ARHGEF3: variants seen among roughly 807,000 people sequenced by gnomAD.
ARHGEF3 encodes Rho guanine nucleotide exchange factor 3, also known as 59.8 kDA protein.
ARHGEF3 carries 28 observed loss-of-function variants against 63.2 expected under a neutral mutation model. That is an observed-to-expected ratio of 0.44 (90% confidence interval 0.33 to 0.61). ARHGEF3 has a LOEUF of 0.61. Ranked by LOEUF, ARHGEF3 falls within the 20% of genes least tolerant of loss-of-function variation. ARHGEF3 has a pLI of 0.03. For missense variants in ARHGEF3, 533 were observed against 659.3 expected (o/e 0.81, Z 2.10); for synonymous variants, 266 against 254.2 (o/e 1.05, Z -0.44).
chr3:56,853,181 T>A (rs2039736922), intron 4 of ARHGEF3, among the ~76,000 whole-genome samples: 1 of 149,498 alleles, frequency 6.7e-6, no homozygotes, highest in African/African-American at 2.5e-5. Flanking sequence ...ACAGAGGACA[T>A]GCATTGTTAA....
chr3:56,935,770 C>T (rs554551900), intron 3 of ARHGEF3, among the ~76,000 whole-genome samples: 2 of 152,290 alleles, frequency 1.3e-5, no homozygotes, highest in East Asian at 1.9e-4. Context: ...ACACTCACCA[C>T]GAGGGTCCGT....
intron 1 of ARHGEF3, among the ~76,000 whole-genome samples, chr3:56,788,457 A>G (rs1187627028): frequency 6.6e-6 from 1 of 152,230 alleles, no homozygotes; most frequent in Non-Finnish European, 1.5e-5. Flanking sequence ...ATAAATATTT[A>G]TGGACAATTA....
intron 3 of ARHGEF3, among the ~76,000 whole-genome samples, chr3:56,893,811 C>CAAAAAAAA (rs537483698): frequency 6.3e-5 from 5 of 79,558 alleles, no homozygotes; most frequent in African/African-American, 1.1e-4. Context: ...GACTCTGTCT[C>CAAAAAAAA]AAAAAAAAAA....
intron 2 of ARHGEF3, among the ~76,000 whole-genome samples, chr3:57,011,601 A>G (rs1579083253): frequency 6.6e-6 from 1 of 151,964 alleles, no homozygotes; most frequent in African/African-American, 2.4e-5. Flanking sequence ...TCTCCAACCC[A>G]AGGATTCAAT....
chr3:56,993,891 C>T (rs1389995904), intron 2 of ARHGEF3, among the ~76,000 whole-genome samples: 4 of 150,304 alleles, frequency 2.7e-5, no homozygotes, highest in South Asian at 4.2e-4. Context: ...GGTGAAAACC[C>T]GTCTCTACTA....
chr3:56,825,220 C>T (rs1435369248), intron 4 of ARHGEF3, among the ~76,000 whole-genome samples: 7 of 152,240 alleles, frequency 4.6e-5, no homozygotes, highest in African/African-American at 1.4e-4. Context: ...GCATGGTAAA[C>T]GTCAGCTAAT....
intron 2 of ARHGEF3, among the ~76,000 whole-genome samples, chr3:56,988,728 G>A (rs1701633953): frequency 6.6e-6 from 1 of 152,134 alleles, no homozygotes; most frequent in Non-Finnish European, 1.5e-5. Flanking sequence ...AGACCATGGA[G>A]GTGTGAAGCT....
At chr3:56,825,948 AC>A (rs2038698819) in intron 4 of ARHGEF3, among the ~76,000 whole-genome samples, 1 of 152,130 alleles carries the variant, frequency 6.6e-6, no homozygotes, top group Non-Finnish European at 1.5e-5. Flanking sequence ...CCAATCAGCA[AC>A]CCTTCCTTCT....
chr3:56,935,405 T>G (rs1250995461), intron 3 of ARHGEF3, among the ~76,000 whole-genome samples: 1 of 152,236 alleles, frequency 6.6e-6, no homozygotes, highest in Non-Finnish European at 1.5e-5. Context: ...CAGGCTGCCC[T>G]AGCCAGCAGC....
Position 56,801,919 on chromosome 3 carries a change from C to G in ARHGEF3, c.-121G>C. On this transcript the variant is annotated 5_prime_UTR_variant, in exon 1 of 10. Transcript: ENST00000296315. ...GCGGCGGCGGCGACACGGAGACCGA[C>G]AGCCGGCTTCTAGCCGGGCAGGACT... 6.5e-7 allele frequency: 1 copy of G among 1,541,492 alleles called. No homozygotes were observed. The highest frequency in any genetic ancestry group is 8.7e-7 in the Non-Finnish European group (1 of 1,145,918).
At chr3:57,014,803 C>T (rs898278505) in intron 2 of ARHGEF3, among the ~76,000 whole-genome samples, 1 of 152,012 alleles carries the variant, frequency 6.6e-6, no homozygotes, top group African/African-American at 2.4e-5. Flanking sequence ...GCCTCAGCCT[C>T]CTGAGTAGCT....
chr3:56,807,913 C>A (rs964401870), intron 4 of ARHGEF3, among the ~76,000 whole-genome samples: 2 of 152,032 alleles, frequency 1.3e-5, no homozygotes, highest in African/African-American at 4.8e-5. Flanking sequence ...CGCCTGAGGT[C>A]AGGAGTTCAA....
chr3:56,917,563 C>T, intron 3 of ARHGEF3, among the ~76,000 whole-genome samples: 1 of 152,152 alleles, frequency 6.6e-6, no homozygotes, highest in East Asian at 1.9e-4. Context: ...CAGGCTCTTT[C>T]CATTCACGTT....
At chr3:56,903,087 C>CAGAG (rs1214395909) in intron 3 of ARHGEF3, among the ~76,000 whole-genome samples, 7 of 143,198 alleles carry the variant, frequency 4.9e-5, no homozygotes, top group African/African-American at 1.8e-4. Context: ...CACACACACA[C>CAGAG]ACAGAGAGAG....
chr3:56,801,863 G>A lies in ARHGEF3; in HGVS notation c.-65C>T, dbSNP rs1318682626. 13 of 1,551,078 alleles carry A rather than the reference G, an allele frequency of 8.4e-6. No individual in the cohort carries two copies. Among genetic ancestry groups the A allele is most frequent in the Non-Finnish European group, 1.0e-5 (12 of 1,146,896 alleles). On this transcript the variant is annotated 5_prime_UTR_variant, in exon 1 of 10. Coordinates refer to ENST00000296315, the MANE Select transcript of ARHGEF3 (RefSeq NM_019555.3). Reference sequence around the variant, plus strand: ...CCCTAGGCGACTACAAAACTCCCAGGCAAAAGGGGGCCCCAGCTCCACGAT... The same window carrying A: ...CCCTAGGCGACTACAAAACTCCCAGACAAAAGGGGGCCCCAGCTCCACGAT...
chr3:56,805,948 T>G (rs930747974), upstream of ARHGEF3, among the ~76,000 whole-genome samples: 1 of 152,212 alleles, frequency 6.6e-6, no homozygotes, highest in Admixed American at 6.5e-5. Context: ...CAGATATTTT[T>G]GGTACAACAA....
chr3:56,997,275 A>C (rs1056492838), intron 2 of ARHGEF3, among the ~76,000 whole-genome samples: 1 of 151,694 alleles, frequency 6.6e-6, no homozygotes, highest in Non-Finnish European at 1.5e-5. Flanking sequence ...GGAGCCCCCA[A>C]CTCTCAATTC....
chr3:56,944,701 C>A (rs1699387262), intron 3 of ARHGEF3, among the ~76,000 whole-genome samples: 1 of 151,058 alleles, frequency 6.6e-6, no homozygotes, highest in Non-Finnish European at 1.5e-5. Context: ...CTCAGCCTCC[C>A]AAGTAGCTGG....
intron 1 of ARHGEF3, among the ~76,000 whole-genome samples, chr3:56,791,939 T>C (rs2037096893): frequency 6.6e-6 from 1 of 150,780 alleles, no homozygotes; most frequent in African/African-American, 2.4e-5. Context: ...AGATAATGCA[T>C]GTGAAAATAA....
Sources: gnomAD v4.1 joint callset for allele counts (sites outside exome capture counted in the v4.1 genomes callset) on GRCh38, gnomAD v4.1.1 for gene constraint, MANE v1.5 for transcripts, NCBI Gene and HGNC (gene_info 2026-07-23, HGNC 2026-07-21) for gene names.